Variants in RBM10 observed in about 807,000 individuals in gnomAD.
RBM10 encodes RNA-binding protein 10.
In RBM10, 1 loss-of-function variant was observed where a neutral mutation model predicts 84.9. That is an observed-to-expected ratio of 0.01 (90% CI 0.00 to 0.06). The LOEUF (loss-of-function observed/expected upper bound fraction) is 0.06, where lower values mean the gene tolerates loss of function less well. RBM10 is among the 10% of genes least tolerant of loss of function. RBM10 has a pLI of 1.00. For synonymous variants in RBM10, 326 were observed against 344.5 expected (o/e 0.95, Z 0.60); for missense variants, 438 against 839.0 (o/e 0.52, Z 5.90).
intron 2 of RBM10, among the ~76,000 whole-genome samples, chrX:47,168,712 C>T (rs550663564): frequency 9.9e-5 from 11 of 111,247 alleles, no homozygotes; most frequent in African/African-American, 2.0e-4. Flanking sequence ...GCCTCACCCC[C>T]GGGGATCCTG....
chrX:47,169,643 T>C, intron 3 of RBM10, 145 bp downstream of exon 3: 1 of 581,000 alleles, frequency 1.7e-6, no homozygotes, highest in Non-Finnish European at 2.7e-6. Context: ...CTGGAGGGCC[T>C]GTTCCCACTC....
chrX:47,177,545 T>C (rs1373450307), intron 7 of RBM10, among the ~76,000 whole-genome samples: 1 of 111,925 alleles, frequency 8.9e-6, no homozygotes, highest in African/African-American at 3.2e-5. Context: ...TGCTTAACAT[T>C]TCTGGAGAGA....
intron 4 of RBM10, among the ~76,000 whole-genome samples, chrX:47,171,823 C>T (rs1556773460): frequency 1.8e-5 from 2 of 111,745 alleles, no homozygotes; most frequent in Non-Finnish European, 3.8e-5. Flanking sequence ...TGAAGCCCCA[C>T]GAGGCCTACC....
intron 5 of RBM10, among the ~76,000 whole-genome samples, chrX:47,173,888 C>CCTCTCTCTCTCTCT (rs1934867897): frequency 3.7e-5 from 1 of 27,297 alleles, no homozygotes; most frequent in Non-Finnish European, 6.6e-5. Flanking sequence ...CCCACACCTC[C>CCTCTCTCTCTCTCT]ATCTCTCTCT....
intron 2 of RBM10, among the ~76,000 whole-genome samples, chrX:47,165,507 C>T (rs782629397): frequency 2.6e-5 from 2 of 77,828 alleles, no homozygotes; most frequent in South Asian, 7.3e-4. Context: ...AAGAGTGAAA[C>T]TTGTCTCAAA....
intron 2 of RBM10, among the ~76,000 whole-genome samples, chrX:47,167,217 T>C (rs1199867417): frequency 9.0e-6 from 1 of 111,425 alleles, no homozygotes; most frequent in Non-Finnish European, 1.9e-5. Context: ...ATGATGTTTT[T>C]TATTTTTCTG....
chrX:47,172,949 G>T (rs1373062442), intron 4 of RBM10, among the ~76,000 whole-genome samples, 179 bp from the exon 5 acceptor site: 3 of 112,431 alleles, frequency 2.7e-5, no homozygotes, highest in African/African-American at 9.7e-5. Flanking sequence ...TGAAAGTCAA[G>T]ACTGTGAACT....
chrX:47,174,954 G>A (rs782817394), intron 5 of RBM10, 65 bp from the exon 6 acceptor site: 6 of 991,005 alleles, frequency 6.1e-6, no homozygotes, highest in Admixed American at 4.5e-5. Flanking sequence ...TCCCGCCCCC[G>A]GGAACGCCGT....
At chrX:47,175,762 C>G (rs2147153199) in intron 6 of RBM10, among the ~76,000 whole-genome samples, 1 of 111,281 alleles carries the variant, frequency 9.0e-6, no homozygotes, top group East Asian at 2.9e-4. Flanking sequence ...ACAGTCAGCC[C>G]TGGGGGGAGC....
At chrX:47,173,053 A>G (rs2147141663) in intron 4 of RBM10, 75 bp from the exon 5 acceptor site, 3 of 1,207,487 alleles carry the variant, frequency 2.5e-6, no homozygotes, top group Non-Finnish European at 2.2e-6. Context: ...CGGGATCCAG[A>G]GGCCTCCAGC....
chrX:47,177,197 C>T (rs1270593617), intron 7 of RBM10, among the ~76,000 whole-genome samples: 2 of 112,623 alleles, frequency 1.8e-5, no homozygotes, highest in Non-Finnish European at 3.8e-5. Context: ...ACAGAGCGTT[C>T]TGAGAGCCCA....
Position 47,180,199 on chromosome X carries a change from C to A in RBM10, c.1063-13C>A. 8.4e-7 allele frequency: 1 copy of A among 1,188,893 alleles called. No individual in the cohort carries two copies. Among genetic ancestry groups the A allele is most frequent in the Non-Finnish European group, 1.1e-6 (1 of 879,887 alleles). On this transcript the variant is annotated splice_polypyrimidine_tract_variant and intron_variant, in intron 10 of 23. Coordinates refer to ENST00000377604, the MANE Select transcript of RBM10 (RefSeq NM_005676.5). ...GCCTGACCCTTCTGTCCCTGCCTCC[C>A]CTCCTCCCACAGGAGGCAGCCCAGC...
At chrX:47,165,501 G>A (rs1934106205) in intron 2 of RBM10, among the ~76,000 whole-genome samples, 1 of 86,485 alleles carries the variant, frequency 1.2e-5, no homozygotes, top group African/African-American at 4.4e-5. Flanking sequence ...GGCAACAAGA[G>A]TGAAACTTGT....
chrX:47,160,014 A>G (rs1602521032), intron 2 of RBM10, among the ~76,000 whole-genome samples: 1 of 111,795 alleles, frequency 8.9e-6, no homozygotes, highest in South Asian at 3.7e-4. Flanking sequence ...GCGCATGCCT[A>G]TAATCCCAGC....
intron 5 of RBM10, 135 bp from the exon 6 acceptor site, chrX:47,174,884 C>A: frequency 2.3e-6 from 1 of 437,630 alleles, no homozygotes; most frequent in Non-Finnish European, 4.1e-6. Flanking sequence ...TTGCCTCTTT[C>A]TCTTTCTTCC....
chrX:47,145,927 A>G (rs1932154068), intron 1 of RBM10, among the ~76,000 whole-genome samples: 1 of 68,574 alleles, frequency 1.5e-5, no homozygotes, highest in African/African-American at 6.0e-5. Context: ...GGGGGATGTG[A>G]CTCTGGTCTT....
chrX:47,171,621 A>G (rs1934679832), intron 4 of RBM10, among the ~76,000 whole-genome samples: 1 of 112,622 alleles, frequency 8.9e-6, no homozygotes, highest in Non-Finnish European at 1.9e-5. Context: ...CTGGTAGCAG[A>G]GATGACACTG....
In RBM10 at chrX:47,171,134, G is replaced by C. The variant is rs782467531; in HGVS notation, c.308G>C (p.Arg103Pro). The change falls in exon 4 of 24, where the codon CGG becomes CCG. Residue 103 changes from arginine to proline, a missense_variant. Arg to Pro is a moderately radical substitution (Grantham distance 103). Coordinates refer to ENST00000377604, the MANE Select transcript of RBM10 (RefSeq NM_005676.5). ...PPGFPRDGDY[R>P]DQDYRTEQGE... ...GGCTTCCCCCGAGACGGCGACTATC[G>C]GGACCAGGACTATCGGACCGAGCAA... 2 of 1,210,798 alleles carry C rather than the reference G, an allele frequency of 1.7e-6. No individual in the cohort carries two copies. The highest frequency in any genetic ancestry group is 1.7e-5 in the African/African-American group (1 of 57,663).
intron 2 of RBM10, chrX:47,156,659 G>A (rs1022456308): frequency 3.8e-5 from 6 of 159,856 alleles, no homozygotes; most frequent in Non-Finnish European, 4.6e-5. Context: ...AGGCCTTGTT[G>A]GCCAGGGAGG....
Sources: allele counts gnomAD v4.1 joint callset (sites outside exome capture counted in the v4.1 genomes callset), GRCh38; gene constraint gnomAD v4.1.1; transcripts MANE v1.5; gene names NCBI Gene and HGNC (gene_info 2026-07-23, HGNC 2026-07-21).